Variants in PTPRD observed in about 807,000 individuals in gnomAD.
The protein encoded by PTPRD is receptor-type tyrosine-protein phosphatase delta.
Under a neutral mutation model 214.5 loss-of-function variants are expected in PTPRD, and 34 were observed. That is an observed-to-expected ratio of 0.16 (90% CI 0.12 to 0.21). PTPRD has a LOEUF of 0.21. PTPRD is among the 10% of genes least tolerant of loss of function. The pLI is 1.00. For synonymous variants in PTPRD, 1,128 were observed against 845.7 expected (o/e 1.33, Z -5.79); for missense variants, 2,545 against 2,398.7 (o/e 1.06, Z -1.27).
chr9:9,932,279 G>A (rs1432741854), intron 5 of PTPRD, among the ~76,000 whole-genome samples: 1 of 148,796 alleles, frequency 6.7e-6, no homozygotes, highest in Non-Finnish European at 1.5e-5. Context: ...AAATTACTCT[G>A]AGCTACGGGA....
intron 2 of PTPRD, among the ~76,000 whole-genome samples, chr9:10,458,125 T>G (rs1460885432): frequency 6.6e-6 from 1 of 151,990 alleles, no homozygotes; most frequent in Non-Finnish European, 1.5e-5. Context: ...GACCAAACTT[T>G]TAAATAAAAA....
chr9:9,353,670 G>T (rs2052427851), intron 9 of PTPRD, among the ~76,000 whole-genome samples: 1 of 151,356 alleles, frequency 6.6e-6, no homozygotes, highest in Non-Finnish European at 1.5e-5. Flanking sequence ...GTTGAGTTAA[G>T]CATGAGCATC....
chr9:9,467,588 C>CAAAAAAATAATAAAAAAAAAAAAAAAAAA (rs2094287717), intron 8 of PTPRD, among the ~76,000 whole-genome samples: 11 of 55,954 alleles, frequency 2.0e-4, no homozygotes, highest in African/African-American at 7.2e-4. Flanking sequence ...CTCCATCTCC[C>CAAAAAAATAATAAAAAAAAAAAAAAAAAA]AAAAAAAAAA....
intron 29 of PTPRD, 25 bp downstream of exon 29, chr9:8,485,199 ATTT>A: frequency 6.3e-7 from 1 of 1,589,556 alleles, no homozygotes; most frequent in Non-Finnish European, 8.6e-7. Flanking sequence ...TTTATCTGTG[ATTT>A]CTTACAAATT....
intron 7 of PTPRD, among the ~76,000 whole-genome samples, chr9:9,698,915 C>T (rs1263669675): frequency 6.6e-6 from 1 of 152,198 alleles, no homozygotes; most frequent in Non-Finnish European, 1.5e-5. Context: ...GATGCTGTCT[C>T]ATCCTCACAT....
chr9:8,352,075 C>G (rs2075653334), intron 39 of PTPRD, among the ~76,000 whole-genome samples: 1 of 95,130 alleles, frequency 1.1e-5, no homozygotes, highest in South Asian at 4.3e-4. Flanking sequence ...CCACATGGGC[C>G]TAATCTGATT....
intron 5 of PTPRD, among the ~76,000 whole-genome samples, chr9:9,810,716 C>A (rs1479219667): frequency 6.6e-6 from 1 of 151,966 alleles, no homozygotes; most frequent in Non-Finnish European, 1.5e-5. Context: ...TGTTTTTATG[C>A]CTGCTAACAC....
chr9:10,602,418 T>C (rs1281261041), intron 2 of PTPRD, among the ~76,000 whole-genome samples: 1 of 151,602 alleles, frequency 6.6e-6, no homozygotes, highest in Admixed American at 6.6e-5. Flanking sequence ...TTTATTCAAC[T>C]TTTTAAAAAA....
At chr9:10,467,264 G>C (rs1566259454) in intron 2 of PTPRD, among the ~76,000 whole-genome samples, 1 of 152,170 alleles carries the variant, frequency 6.6e-6, no homozygotes, top group East Asian at 1.9e-4. Flanking sequence ...TGCCAAAAGG[G>C]AATAAACCTG....
At chr9:10,243,638 T>C (rs1257404863) in intron 3 of PTPRD, among the ~76,000 whole-genome samples, 1 of 151,994 alleles carries the variant, frequency 6.6e-6, no homozygotes, top group Non-Finnish European at 1.5e-5. Flanking sequence ...AAAAAAGAGA[T>C]ATGTATATTT....
At chr9:9,568,712 T>C (rs1228219044) in intron 8 of PTPRD, among the ~76,000 whole-genome samples, 1 of 151,902 alleles carries the variant, frequency 6.6e-6, no homozygotes, top group Admixed American at 6.6e-5. Context: ...TAATTATAAC[T>C]TAATGGGAGG....
chr9:10,117,587 T>G (rs1014391214), intron 3 of PTPRD, among the ~76,000 whole-genome samples: 1 of 145,724 alleles, frequency 6.9e-6, no homozygotes, highest in Non-Finnish European at 1.5e-5. Flanking sequence ...CTTGGCCTTC[T>G]TCCCTGTATG....
intron 11 of PTPRD, among the ~76,000 whole-genome samples, chr9:8,804,508 G>C (rs577258490): frequency 3.3e-5 from 5 of 152,020 alleles, no homozygotes. Flanking sequence ...TGGGACGGGA[G>C]GATTGCTGGG....
rs1481234876 is a variant in PTPRD at position 9,854,699 on chromosome 9, G to C, written c.-368+83808C>G. Among the ~76,000 whole-genome samples, 3 of 151,694 alleles carry C rather than the reference G, an allele frequency of 2.0e-5. No homozygotes were observed. The South Asian group carries it at 6.2e-4, about 32-fold the overall frequency. The stretch of plus-strand genomic sequence containing the variant: ...AAATTGTTATTTGAATTATAATCCA[G>C]TTTTTTTTAAATCCCTTTCAACTTC... On this transcript the variant is annotated intron_variant, in intron 5 of 45. Coordinates refer to ENST00000381196, the MANE Select transcript of PTPRD (RefSeq NM_002839.4).
At chr9:8,549,770 C>T (rs1480482223) in intron 14 of PTPRD, among the ~76,000 whole-genome samples, 1 of 151,884 alleles carries the variant, frequency 6.6e-6, no homozygotes, top group Non-Finnish European at 1.5e-5. Context: ...GAAAAACACC[C>T]AATAATTCTA....
chr9:9,115,623 G>A (rs2099811696), intron 10 of PTPRD, among the ~76,000 whole-genome samples: 1 of 152,030 alleles, frequency 6.6e-6, no homozygotes, highest in African/African-American at 2.4e-5. Flanking sequence ...CAATCCCACT[G>A]GTATGTATCT....
chr9:8,526,732 A>T, intron 16 of PTPRD, 88 bp from the exon 17 acceptor site: 1 of 1,076,986 alleles, frequency 9.3e-7, no homozygotes, highest in Non-Finnish European at 1.3e-6. Flanking sequence ...AGAAGAATTA[A>T]ATTAGATTTA....
At chr9:8,672,618 T>C (rs2097308636) in intron 12 of PTPRD, among the ~76,000 whole-genome samples, 1 of 152,110 alleles carries the variant, frequency 6.6e-6, no homozygotes, top group Admixed American at 6.5e-5. Context: ...AAATTGAATA[T>C]CCTCTAATGA....
chr9:10,609,428 T>C lies in PTPRD; in HGVS notation c.-600+2970A>G, dbSNP rs988718751. The stretch of plus-strand genomic sequence containing the variant: ...CCAGTTTTAGAATTGTAAAGTTACA[T>C]TAATCACACTTCTCTAACTGCAGAA... On this transcript the variant is annotated intron_variant, in intron 2 of 45. Transcript: ENST00000381196. 3.3e-5 allele frequency among the ~76,000 whole-genome samples: 5 copies of C among 152,204 alleles called. No individual in the cohort carries two copies. In the East Asian group the frequency reaches 7.7e-4, roughly 23 times the overall value.
Sources: gnomAD v4.1 joint callset for allele counts (sites outside exome capture counted in the v4.1 genomes callset) on GRCh38, gnomAD v4.1.1 for gene constraint, MANE v1.5 for transcripts, NCBI Gene and HGNC (gene_info 2026-07-23, HGNC 2026-07-21) for gene names.